The following DLG2 variants were observed in gnomAD, a reference collection of about 807,000 sequenced individuals.
DLG2 encodes discs large MAGUK scaffold protein 2, also known as disks large homolog 2.
DLG2 carries 45 observed loss-of-function variants against 132.5 expected under a neutral mutation model. The observed-to-expected ratio is 0.34, with a 90% CI of 0.27 to 0.44. The LOEUF (loss-of-function observed/expected upper bound fraction) is 0.44. Among genes scored for constraint, DLG2 ranks in the 20% least tolerant of loss-of-function variants. The probability of loss-of-function intolerance (pLI) is 1.00; values close to 1 mark genes in which losing one functional copy is unlikely to be tolerated. For synonymous variants in DLG2, 424 were observed against 419.6 expected (o/e 1.01, Z -0.13); for missense variants, 1,045 against 1,196.9 (o/e 0.87, Z 1.87).
intron 9 of DLG2, among the ~76,000 whole-genome samples, chr11:84,148,610 A>G (rs34228643): frequency 0.035 from 5,267 of 152,116 alleles, 140 homozygotes; most frequent in Non-Finnish European, 0.055. Context: ...TCTTTACCCA[A>G]TCCACCACTA....
chr11:83,772,295 A>C (rs1269329198), intron 18 of DLG2, among the ~76,000 whole-genome samples: 3 of 152,082 alleles, frequency 2.0e-5, no homozygotes, highest in Non-Finnish European at 2.9e-5. Context: ...CTGTGGTCCC[A>C]GCTACCTGGA....
rs1314001675 is a variant in DLG2 at position 84,650,477 on chromosome 11, TC to T, written c.358-115747del. Among the ~76,000 whole-genome samples, 3 of 152,232 alleles carry T rather than the reference TC, an allele frequency of 2.0e-5. No homozygotes were observed. The East Asian group carries it at 5.8e-4, about 29-fold the overall frequency. On this transcript the variant is annotated intron_variant, in intron 6 of 27. Coordinates refer to ENST00000376104, the MANE Select transcript of DLG2 (RefSeq NM_001142699.3). Reference sequence around the variant, plus strand: ...AGATCATTATTTACAGTTAAAAGGCTCAAAAAACTTGAGCCAACTGGAGTAG... The same window carrying T: ...AGATCATTATTTACAGTTAAAAGGCTAAAAAACTTGAGCCAACTGGAGTAG...
At position 84,140,813 on chromosome 11, in the gene DLG2, G is replaced by A. The variant is rs369769421; in HGVS notation, c.624+22648C>T. ...TGATAGGTGGGCTTAAGTCTTGAAG[G>A]CAATCTGACTATATCATGACTAGTG... On this transcript the variant is annotated intron_variant, in intron 9 of 27. Coordinates refer to ENST00000376104, the MANE Select transcript of DLG2 (RefSeq NM_001142699.3). Among the ~76,000 whole-genome samples the A allele has an allele frequency of 9.2e-4, 140 of 152,142 alleles. 2 individuals carry two copies. The South Asian group carries it at 0.027, about 30-fold the overall frequency.
intron 5 of DLG2, among the ~76,000 whole-genome samples, chr11:85,128,545 T>C (rs914523128): frequency 1.3e-5 from 2 of 152,166 alleles, no homozygotes; most frequent in African/African-American, 4.8e-5. Flanking sequence ...TACTTGAGAA[T>C]TCCTAAGCAG....
chr11:85,560,281 C>G (rs1382772951), intron 3 of DLG2, among the ~76,000 whole-genome samples: 1 of 151,732 alleles, frequency 6.6e-6, no homozygotes, highest in African/African-American at 2.4e-5. Context: ...GACATTTATA[C>G]AAATGTTTAC....
chr11:83,913,364 AT>A (rs892444561), intron 15 of DLG2, among the ~76,000 whole-genome samples: 6 of 151,920 alleles, frequency 3.9e-5, no homozygotes, highest in Admixed American at 2.0e-4. Context: ...ATTTAAATAT[AT>A]TTTTTTTATT....
intron 6 of DLG2, among the ~76,000 whole-genome samples, chr11:84,742,102 G>C (rs1006491982): frequency 2.6e-5 from 4 of 151,686 alleles, no homozygotes; most frequent in African/African-American, 9.7e-5. Flanking sequence ...TAGGTCTTTT[G>C]AAATAATCAC....
intron 15 of DLG2, among the ~76,000 whole-genome samples, chr11:83,914,823 C>T (rs1457703008): frequency 2.6e-5 from 4 of 152,130 alleles, no homozygotes; most frequent in East Asian, 3.9e-4. Flanking sequence ...ATTTGAGGAT[C>T]GATATCCGGT....
intron 21 of DLG2, among the ~76,000 whole-genome samples, chr11:83,504,119 A>G (rs190690875): frequency 3.9e-5 from 6 of 152,244 alleles, no homozygotes; most frequent in Admixed American, 3.3e-4. Flanking sequence ...ATGCACAAAC[A>G]TGTTTTTAAC....
At chr11:85,519,311 G>A (rs1391492911) in intron 3 of DLG2, among the ~76,000 whole-genome samples, 1 of 152,234 alleles carries the variant, frequency 6.6e-6, no homozygotes, top group Non-Finnish European at 1.5e-5. Context: ...CACAGGGGCA[G>A]AGATGCCCAG....
At chr11:85,478,493 T>C (rs1294477179) in intron 3 of DLG2, among the ~76,000 whole-genome samples, 1 of 152,240 alleles carries the variant, frequency 6.6e-6, no homozygotes, top group South Asian at 2.1e-4. Flanking sequence ...TCTTGATTAC[T>C]AAATTTCTCA....
chr11:84,437,562 T>A (rs559394272), intron 7 of DLG2: 1 of 152,062 alleles, frequency 6.6e-6, no homozygotes, highest in Non-Finnish European at 1.5e-5. Context: ...AGCTGTCACT[T>A]GCAGGCTGTT....
At chr11:85,342,376 T>A (rs551934225) in intron 3 of DLG2, among the ~76,000 whole-genome samples, 1 of 152,198 alleles carries the variant, frequency 6.6e-6, no homozygotes, top group African/African-American at 2.4e-5. Context: ...AGCCTAGGCC[T>A]ATATGAGGTC....
At chr11:83,843,201 A>G (rs1043232278) in intron 16 of DLG2, among the ~76,000 whole-genome samples, 1 of 152,100 alleles carries the variant, frequency 6.6e-6, no homozygotes, top group Non-Finnish European at 1.5e-5. Flanking sequence ...AAAGTTGCCA[A>G]CCACAGCTTC....
intron 11 of DLG2, among the ~76,000 whole-genome samples, chr11:84,023,563 CCATTCAATAA>C (rs1413342696): frequency 2.6e-5 from 4 of 152,076 alleles, no homozygotes; most frequent in Non-Finnish European, 4.4e-5. Context: ...GTACAGTTGG[CCATTCAATAA>C]CATGGGTTCA....
intron 17 of DLG2, among the ~76,000 whole-genome samples, chr11:83,829,351 G>A (rs969959186): frequency 4.0e-5 from 6 of 151,644 alleles, no homozygotes; most frequent in Non-Finnish European, 5.9e-5. Context: ...TGCACACCAC[G>A]ATGCCTGGCT....
chr11:83,567,214 T>C (rs2096724179), intron 19 of DLG2, among the ~76,000 whole-genome samples: 1 of 152,198 alleles, frequency 6.6e-6, no homozygotes, highest in Non-Finnish European at 1.5e-5. Flanking sequence ...GAATGAGTCA[T>C]ATCTAAGCAG....
In DLG2 at chr11:84,052,814, C is replaced by T. The variant is rs140591391; in HGVS notation, c.919+6501G>A. On this transcript the variant is annotated intron_variant, in intron 11 of 27. Coordinates refer to ENST00000376104, the MANE Select transcript of DLG2 (RefSeq NM_001142699.3). Reference sequence around the variant, plus strand: ...ACAGTGTGGAAATGGAATGCTTTTACATTGTTGGTAGGAACATAAATTAGT... The same window carrying T: ...ACAGTGTGGAAATGGAATGCTTTTATATTGTTGGTAGGAACATAAATTAGT... 1.3e-4 allele frequency among the ~76,000 whole-genome samples: 20 copies of T among 151,666 alleles called. No individual in the cohort carries two copies. The East Asian group carries it at 3.5e-3, about 27-fold the overall frequency.
At chr11:85,299,725 A>G (rs1290791637) in intron 3 of DLG2, among the ~76,000 whole-genome samples, 1 of 152,196 alleles carries the variant, frequency 6.6e-6, no homozygotes, top group African/African-American at 2.4e-5. Context: ...ACTGGGCTGT[A>G]TCACCAGAGT....
Sources: gnomAD v4.1 joint callset for allele counts (sites outside exome capture counted in the v4.1 genomes callset) on GRCh38, gnomAD v4.1.1 for gene constraint, MANE v1.5 for transcripts, NCBI Gene and HGNC (gene_info 2026-07-23, HGNC 2026-07-21) for gene names.